RERE: variants seen among roughly 807,000 people sequenced by gnomAD.
The protein encoded by RERE is arginine-glutamic acid dipeptide repeats protein.
In RERE, 40 loss-of-function variants were observed where a neutral mutation model predicts 146.1. That is an observed-to-expected ratio of 0.27 (90% confidence interval 0.21 to 0.36). The LOEUF (loss-of-function observed/expected upper bound fraction) is 0.36. RERE is among the 10% of genes least tolerant of loss of function. The pLI, the probability that RERE is intolerant of heterozygous loss-of-function variation, is 1.00. For missense variants in RERE, 1,933 were observed against 2,138.7 expected, an observed-to-expected ratio of 0.90 and a Z score of 1.90; for synonymous variants, 1,003 against 866.0, an observed-to-expected ratio of 1.16 and a Z score of -2.78.
chr1:8,711,040 C>T (rs1294718786), intron 1 of RERE, among the ~76,000 whole-genome samples: 1 of 151,186 alleles, frequency 6.6e-6, no homozygotes, highest in Non-Finnish European at 1.5e-5. Context: ...GCCTATAATC[C>T]CAGCTACTCG....
intron 1 of RERE, among the ~76,000 whole-genome samples, chr1:8,773,779 G>A (rs1641003388): frequency 1.3e-5 from 2 of 152,064 alleles, no homozygotes; most frequent in Non-Finnish European, 2.9e-5. Context: ...AGCTGAGATC[G>A]CGCCACTGCA....
chr1:8,744,909 A>G (rs1377966866), intron 1 of RERE, among the ~76,000 whole-genome samples: 1 of 152,228 alleles, frequency 6.6e-6, no homozygotes, highest in Admixed American at 6.5e-5. Flanking sequence ...AAAATCACAT[A>G]TTAGGACAAT....
At chr1:8,606,252 C>A (rs1275283879) in intron 4 of RERE, among the ~76,000 whole-genome samples, 1 of 152,084 alleles carries the variant, frequency 6.6e-6, no homozygotes, top group Non-Finnish European at 1.5e-5. Flanking sequence ...AATATAATTT[C>A]TATTTTCAAG....
intron 7 of RERE, among the ~76,000 whole-genome samples, chr1:8,525,157 T>G (rs1381961559): frequency 1.3e-5 from 2 of 152,190 alleles, no homozygotes; most frequent in Middle Eastern, 3.2e-3. Flanking sequence ...AACCTTTCAT[T>G]TTTAAAAAAA....
At chr1:8,491,569 T>C (rs947422945) in intron 10 of RERE, among the ~76,000 whole-genome samples, 2 of 150,994 alleles carry the variant, frequency 1.3e-5, no homozygotes, top group African/African-American at 4.9e-5. Flanking sequence ...CAGTGAGCCG[T>C]GATCCACCAC....
At position 8,623,321 on chromosome 1, in the gene RERE, C is replaced by T. The variant is rs549734067; in HGVS notation, c.396+989G>A. Among the ~76,000 whole-genome samples, 136 of 152,172 alleles carry T rather than the reference C, an allele frequency of 8.9e-4. 1 individual carries two copies. Among genetic ancestry groups the T allele is most frequent in the African/African-American group, 3.2e-3 (132 of 41,514 alleles). ...AAAAAATCAGCCGGTTGTACTGGCA[C>T]GCACCTGTAATCCCAGCTACTCGGG... On this transcript the variant is annotated intron_variant, in intron 3 of 22. Coordinates refer to ENST00000400908, the MANE Select transcript of RERE (RefSeq NM_001042681.2).
intron 1 of RERE, among the ~76,000 whole-genome samples, chr1:8,736,321 C>T (rs1640196602): frequency 6.6e-6 from 1 of 152,160 alleles, no homozygotes; most frequent in Non-Finnish European, 1.5e-5. Context: ...ATTCTCCTGC[C>T]TCAGCCTCTT....
At chr1:8,750,764 C>T (rs1002404617) in intron 1 of RERE, 16 of 786,258 alleles carry the variant, frequency 2.0e-5, no homozygotes, top group Admixed American at 8.5e-5. Context: ...GCAGCTTCTT[C>T]GCCTTTATCA....
chr1:8,594,103 C>A (rs757490825), intron 4 of RERE, among the ~76,000 whole-genome samples: 1 of 152,180 alleles, frequency 6.6e-6, no homozygotes, highest in South Asian at 2.1e-4. Context: ...CACAGCACTA[C>A]ATTATCGCTT....
At chr1:8,401,069 A>ATATATATATATATATATGTATG (rs761609705) in intron 12 of RERE, among the ~76,000 whole-genome samples, 10 of 85,138 alleles carry the variant, frequency 1.2e-4, no homozygotes, top group Admixed American at 4.5e-4. Flanking sequence ...ATATATATAT[A>ATATATATATATATATATGTATG]TATGTCACTT....
chr1:8,658,021 T>C (rs903419760), intron 1 of RERE, among the ~76,000 whole-genome samples: 1 of 152,212 alleles, frequency 6.6e-6, no homozygotes, highest in African/African-American at 2.4e-5. Flanking sequence ...TTGAGGTTTT[T>C]AAGCGTCTGC....
At chr1:8,635,962 CTTATCTTATCTTATCTTATT>C (rs1245864542) in intron 2 of RERE, among the ~76,000 whole-genome samples, 5 of 143,802 alleles carry the variant, frequency 3.5e-5, no homozygotes, top group Non-Finnish European at 6.0e-5. Flanking sequence ...CTTATCTTAT[CTTATCTTATCTTATCTTATT>C]TTATTTTATT....
At chr1:8,366,937 AAAAAC>A (rs1641829436) in intron 12 of RERE, among the ~76,000 whole-genome samples, 1 of 150,414 alleles carries the variant, frequency 6.6e-6, no homozygotes, top group Non-Finnish European at 1.5e-5. Context: ...AACAAAAAAA[AAAAAC>A]CCAAAAAACA....
At chr1:8,408,980 G>A (rs1643536999) in intron 12 of RERE, among the ~76,000 whole-genome samples, 1 of 152,144 alleles carries the variant, frequency 6.6e-6, no homozygotes, top group East Asian at 1.9e-4. Context: ...TAGGAGAATG[G>A]TATCAGAAAG....
chr1:8,423,868 G>C lies in RERE; in HGVS notation c.1204-1061C>G, dbSNP rs1471663864. On this transcript the variant is annotated intron_variant, in intron 11 of 22. Coordinates refer to ENST00000400908, the MANE Select transcript of RERE (RefSeq NM_001042681.2). This position sits in a 1 kb window ranked among gnomAD's most constrained non-coding sequence, Gnocchi z 5.4. ...GCCGCCGCCCTCCTGTCCGCCAGCC[G>C]GGGCCCCGCGCCCCGGCCCCGGCCC... 20 of 184,024 alleles carry C rather than the reference G, an allele frequency of 1.1e-4. 1 individual carries two copies. The South Asian group carries it at 1.4e-3, about 13-fold the overall frequency. 11.4% of individuals were successfully genotyped at this position (184,024 alleles called of 1,614,324 possible). A position where few individuals can be genotyped will look rare whatever the true frequency, so the allele number is the denominator to read the frequency against.
rs1191779634 is a variant in RERE, at chr1:8,655,700, A to G, written c.325+273T>C. Among the ~76,000 whole-genome samples, 4 of 152,248 alleles carry G rather than the reference A, an allele frequency of 2.6e-5. No homozygotes were observed. The East Asian group carries it at 7.7e-4, about 29-fold the overall frequency. On this transcript the variant is annotated intron_variant, in intron 2 of 22. Transcript: ENST00000400908. ...CAAAAGACAAAAAAATACTAAGCAG[A>G]TGGTCCAGTTAGAGAACAAGCAGCA...
chr1:8,497,758 T>C (rs1347046803), intron 8 of RERE, among the ~76,000 whole-genome samples: 2 of 152,168 alleles, frequency 1.3e-5, no homozygotes, highest in Non-Finnish European at 2.9e-5. Context: ...TGCTTAACAG[T>C]GTCAAAGTAA....
At chr1:8,608,826 C>G (rs1393904521) in intron 4 of RERE, among the ~76,000 whole-genome samples, 1 of 152,218 alleles carries the variant, frequency 6.6e-6, no homozygotes, top group East Asian at 1.9e-4. Flanking sequence ...TGGCTCACGC[C>G]TGTAATCCCA....
intron 12 of RERE, among the ~76,000 whole-genome samples, chr1:8,382,725 T>G (rs1295114103): frequency 1.3e-5 from 2 of 152,050 alleles, no homozygotes; most frequent in African/African-American, 4.8e-5. Context: ...TTGAGCAAAT[T>G]CCCTAACCTC....
Sources: gnomAD v4.1 joint callset for allele counts (sites outside exome capture counted in the v4.1 genomes callset) on GRCh38, gnomAD v4.1.1 for gene constraint, Gnocchi (gnomAD v3.1) non-coding constraint, MANE v1.5 for transcripts, NCBI Gene and HGNC (gene_info 2026-07-23, HGNC 2026-07-21) for gene names.